UNC13B: variants seen among roughly 807,000 people sequenced by gnomAD.
The protein encoded by UNC13B is protein unc-13 homolog B.
In UNC13B, 144 loss-of-function variants were observed where a neutral mutation model predicts 211.0. The observed-to-expected ratio is 0.68, with a 90% CI of 0.60 to 0.78. UNC13B has a LOEUF of 0.78. UNC13B is among the 30% of genes least tolerant of loss of function. The probability of loss-of-function intolerance (pLI) is 0.00; values close to 1 mark genes in which losing one functional copy is unlikely to be tolerated. For missense variants in UNC13B, 1,777 were observed against 2,002.0 expected (o/e 0.89, Z 2.14); for synonymous variants, 709 against 725.8 (o/e 0.98, Z 0.37).
At chr9:35,344,406 T>A (rs1832223666) in intron 11 of UNC13B, among the ~76,000 whole-genome samples, 1 of 152,194 alleles carries the variant, frequency 6.6e-6, no homozygotes, top group Non-Finnish European at 1.5e-5. Flanking sequence ...ATGCAGCATG[T>A]TGTCATGGAA....
At chr9:35,237,129 C>T (rs942036325) in intron 4 of UNC13B, among the ~76,000 whole-genome samples, 1 of 152,312 alleles carries the variant, frequency 6.6e-6, no homozygotes, top group East Asian at 1.9e-4. Context: ...GCCTCACTTT[C>T]CTAGACTAGA....
chr9:35,322,258 A>G (rs895779241), intron 11 of UNC13B, among the ~76,000 whole-genome samples: 1 of 152,142 alleles, frequency 6.6e-6, no homozygotes, highest in African/African-American at 2.4e-5. Context: ...GGGAGTGGAT[A>G]TGAATCTGTA....
intron 6 of UNC13B, among the ~76,000 whole-genome samples, chr9:35,255,232 G>T (rs995093582): frequency 6.7e-6 from 1 of 149,782 alleles, no homozygotes; most frequent in Non-Finnish European, 1.5e-5. Context: ...GCCTGTTTAC[G>T]CATATATTTT....
chr9:35,377,446 T>G (rs1323871356), intron 15 of UNC13B, 22 bp from the exon 16 acceptor site: 6 of 1,612,854 alleles, frequency 3.7e-6, no homozygotes, highest in Non-Finnish European at 5.1e-6. Context: ...AGGTGACCTG[T>G]TGTGTTCCTG....
rs569672285 is a variant in UNC13B, at chr9:35,316,096, G to T, written c.9414+2107G>T. On this transcript the variant is annotated intron_variant, in intron 11 of 39. Transcript: ENST00000635942. ...TTGTGGTGCAGTACTCTGAGGATATGCTGGTATTTTGTTCCTTATCAAATC... is the reference window on the plus strand; with the variant it reads ...TTGTGGTGCAGTACTCTGAGGATATTCTGGTATTTTGTTCCTTATCAAATC... Among the ~76,000 whole-genome samples the T allele has an allele frequency of 4.6e-5, 7 of 152,278 alleles. No homozygotes were observed. In the South Asian group the frequency reaches 1.4e-3, roughly 32 times the overall value.
Position 35,162,219 on chromosome 9 carries a change from T to G in UNC13B, c.-65T>G. The stretch of plus-strand genomic sequence containing the variant: ...TAACGAGAGCAGTCGCGGCACCTGC[T>G]GAGAGGAAAGAGGGAGCGGTCCGGC... On this transcript the variant is annotated 5_prime_UTR_variant, in exon 1 of 40. It removes the in-frame stop codon of an upstream open reading frame in the 5' UTR. Coordinates refer to ENST00000635942, the MANE Select transcript of UNC13B (RefSeq NM_001371189.2). 1 of 1,541,442 alleles carries G rather than the reference T, an allele frequency of 6.5e-7. No homozygotes were observed. The highest frequency in any genetic ancestry group is 8.7e-7 in the Non-Finnish European group (1 of 1,146,454).
At chr9:35,235,374 A>T (rs1391944453) in intron 3 of UNC13B, among the ~76,000 whole-genome samples, 1 of 152,174 alleles carries the variant, frequency 6.6e-6, no homozygotes, top group Non-Finnish European at 1.5e-5. Flanking sequence ...CTGTGACCAC[A>T]TGTTCCTATC....
At chr9:35,245,342 T>C (rs2131564984) in intron 6 of UNC13B, among the ~76,000 whole-genome samples, 1 of 152,062 alleles carries the variant, frequency 6.6e-6, no homozygotes, top group Non-Finnish European at 1.5e-5. Flanking sequence ...TTTCTGTTTT[T>C]TTTTTTTAAT....
intron 1 of UNC13B, among the ~76,000 whole-genome samples, chr9:35,174,487 G>C (rs1239396575): frequency 1.3e-5 from 2 of 151,806 alleles, no homozygotes; most frequent in African/African-American, 2.4e-5. Context: ...ACCATGCTTG[G>C]CTAATTTCTT....
chr9:35,400,197 C>T (rs1836201227), intron 36 of UNC13B, 99 bp from the exon 37 acceptor site: 1 of 1,516,732 alleles, frequency 6.6e-7, no homozygotes, highest in Non-Finnish European at 8.9e-7. Flanking sequence ...CCTGAACAGC[C>T]TATTCTCACA....
At chr9:35,321,626 G>A (rs983264985) in intron 11 of UNC13B, among the ~76,000 whole-genome samples, 4 of 151,924 alleles carry the variant, frequency 2.6e-5, no homozygotes, top group African/African-American at 4.8e-5. Context: ...CTGAGTTGAA[G>A]GGTATAAGTT....
At chr9:35,323,337 G>A (rs527849277) in intron 11 of UNC13B, among the ~76,000 whole-genome samples, 1 of 152,156 alleles carries the variant, frequency 6.6e-6, no homozygotes, top group East Asian at 1.9e-4. Flanking sequence ...ATTTCTTTCT[G>A]TAGATGTGTT....
At chr9:35,377,138 A>G (rs1327557779) in intron 15 of UNC13B, among the ~76,000 whole-genome samples, 1 of 152,210 alleles carries the variant, frequency 6.6e-6, no homozygotes, top group Non-Finnish European at 1.5e-5. Context: ...GCCTTGAGCA[A>G]TTATTCATGG....
intron 7 of UNC13B, among the ~76,000 whole-genome samples, chr9:35,266,027 T>G (rs964608801): frequency 6.6e-6 from 1 of 152,100 alleles, no homozygotes; most frequent in African/African-American, 2.4e-5. Flanking sequence ...GGTCTTGAAC[T>G]CCTGACCTCA....
intron 11 of UNC13B, among the ~76,000 whole-genome samples, chr9:35,349,692 A>G (rs1483508980): frequency 6.6e-6 from 1 of 152,222 alleles, no homozygotes; most frequent in Non-Finnish European, 1.5e-5. Flanking sequence ...ATGGGAATAC[A>G]TGCAGTTTCT....
At chr9:35,246,484 G>T (rs1377576994) in intron 6 of UNC13B, among the ~76,000 whole-genome samples, 1 of 152,112 alleles carries the variant, frequency 6.6e-6, no homozygotes, top group African/African-American at 2.4e-5. Flanking sequence ...ATGATTTTAG[G>T]TCTAACATTT....
At chr9:35,338,273 G>A (rs1831779511) in intron 11 of UNC13B, among the ~76,000 whole-genome samples, 1 of 152,182 alleles carries the variant, frequency 6.6e-6, no homozygotes, top group African/African-American at 2.4e-5. Flanking sequence ...TTATGTTCAA[G>A]TTTCTGCTAA....
intron 13 of UNC13B, among the ~76,000 whole-genome samples, chr9:35,371,054 G>A (rs769763428): frequency 2.0e-5 from 3 of 152,206 alleles, no homozygotes; most frequent in East Asian, 1.9e-4. Flanking sequence ...GTGAAGTGAG[G>A]TCCAGGTTCT....
intron 7 of UNC13B, among the ~76,000 whole-genome samples, chr9:35,295,485 G>A (rs1432473399): frequency 6.6e-6 from 1 of 152,152 alleles, no homozygotes; most frequent in Non-Finnish European, 1.5e-5. Context: ...ATTAAACTAA[G>A]TATATATCTC....
Sources: gnomAD v4.1 joint callset for allele counts (sites outside exome capture counted in the v4.1 genomes callset) on GRCh38, gnomAD v4.1.1 for gene constraint, MANE v1.5 for transcripts, NCBI Gene and HGNC (gene_info 2026-07-23, HGNC 2026-07-21) for gene names.